The following SLC16A7 variants were observed in gnomAD, a reference collection of about 807,000 sequenced individuals.
The protein encoded by SLC16A7 is monocarboxylate transporter 2.
In SLC16A7, 33 loss-of-function variants were observed where a neutral mutation model predicts 34.9. That is an observed-to-expected ratio of 0.94 (90% CI 0.72 to 1.26). SLC16A7 has a LOEUF of 1.26. SLC16A7 is among the 50% of genes most tolerant of loss of function. The pLI, the probability that SLC16A7 is intolerant of heterozygous loss-of-function variation, is 0.00. For missense variants in SLC16A7, 573 were observed against 578.1 expected (o/e 0.99, Z 0.09); for synonymous variants, 201 against 206.6 (o/e 0.97, Z 0.23).
At position 59,626,055 on chromosome 12, in the gene SLC16A7, C is replaced by T. The variant is rs367892975; in HGVS notation, c.-129-29097C>T. Among the ~76,000 whole-genome samples the T allele has an allele frequency of 9.0e-4, 136 of 151,652 alleles. 6 individuals are homozygous for T. Among genetic ancestry groups the T allele is most frequent in the South Asian group, 7.3e-3 (35 of 4,808 alleles). ...TATTGCAAATTCATTGTCTATGAAA[C>T]GCCATATTATGTGGGCAGAGCATAA... is the stretch of plus-strand genomic sequence containing the variant. On this transcript the variant is annotated intron_variant, in intron 1 of 5. Transcript: ENST00000547379.
intron 2 of SLC16A7, among the ~76,000 whole-genome samples, chr12:59,684,615 C>T (rs1156336933): frequency 2.0e-5 from 3 of 152,064 alleles, no homozygotes; most frequent in African/African-American, 7.2e-5. Flanking sequence ...GCTACTTTTC[C>T]ACGCTGCAGC....
chr12:59,679,308 T>G (rs1267552367), intron 2 of SLC16A7, among the ~76,000 whole-genome samples: 1 of 152,150 alleles, frequency 6.6e-6, no homozygotes, highest in Non-Finnish European at 1.5e-5. Flanking sequence ...TTCCGCCTAT[T>G]CCCGGCTATT....
chr12:59,774,682 A>G lies in SLC16A7; in HGVS notation c.387A>G (p.Gln129=). 1.3e-6 allele frequency: 2 copies of G among 1,594,724 alleles called. No individual in the cohort carries two copies. The highest frequency in any genetic ancestry group is 8.5e-7 in the Non-Finnish European group (1 of 1,172,656). The change falls in exon 5 of 6, where the codon CAA becomes CAG. Residue 129 remains glutamine, a synonymous_variant. Transcript: ENST00000547379. ...ITGLGLAFNL[Q]PALTIIGKYF... ...GTTTAGGTTTAGCCTTCAACCTGCAACCCGCCTTAACCATAATTGGCAAAT... is the reference window on the plus strand; with the variant it reads ...GTTTAGGTTTAGCCTTCAACCTGCAGCCCGCCTTAACCATAATTGGCAAAT...
intron 1 of SLC16A7, among the ~76,000 whole-genome samples, chr12:59,602,379 A>C (rs541061957): frequency 2.1e-5 from 3 of 145,088 alleles, no homozygotes; most frequent in African/African-American, 7.7e-5. Flanking sequence ...TGTGCTCTTT[A>C]TTTTGTTACT....
At chr12:59,598,674 A>G (rs929080891) in intron 1 of SLC16A7, among the ~76,000 whole-genome samples, 2 of 152,328 alleles carry the variant, frequency 1.3e-5, no homozygotes, top group Admixed American at 1.3e-4. Flanking sequence ...AAAAACAGGT[A>G]ATGAAGGATT....
At chr12:59,630,315 G>C (rs1880124295) in intron 1 of SLC16A7, among the ~76,000 whole-genome samples, 1 of 151,784 alleles carries the variant, frequency 6.6e-6, no homozygotes, top group Non-Finnish European at 1.5e-5. Context: ...TCTTTCATGG[G>C]ACAAAATGTA....
In SLC16A7 at chr12:59,613,687, T is replaced by C. The variant is rs529201499; in HGVS notation, c.-130+17451T>C. ...ACATACTACCCACTCAATGGTATTT[T>C]ATAGGAGAGAGATGATGAAGAAAAA... On this transcript the variant is annotated intron_variant, in intron 1 of 5. Transcript: ENST00000547379. Among the ~76,000 whole-genome samples, 22 of 152,288 alleles carry C rather than the reference T, an allele frequency of 1.4e-4. No individual in the cohort carries two copies. The South Asian group carries it at 4.4e-3, about 30-fold the overall frequency.
intron 2 of SLC16A7, among the ~76,000 whole-genome samples, chr12:59,683,742 A>G (rs1395336832): frequency 1.3e-5 from 2 of 152,334 alleles, no homozygotes; most frequent in Admixed American, 1.3e-4. Flanking sequence ...CTATAGAGAT[A>G]GATAATATAA....
chr12:59,776,788 C>T (rs1882804352), intron 5 of SLC16A7, among the ~76,000 whole-genome samples: 1 of 151,938 alleles, frequency 6.6e-6, no homozygotes, highest in Non-Finnish European at 1.5e-5. Context: ...TGGTATCTAG[C>T]ACAGGTGTTT....
intron 1 of SLC16A7, among the ~76,000 whole-genome samples, chr12:59,614,195 T>C (rs1475333329): frequency 6.6e-6 from 1 of 151,904 alleles, no homozygotes; most frequent in Non-Finnish European, 1.5e-5. Context: ...TGGCTACATG[T>C]GCTATTAATT....
At chr12:59,757,566 A>G (rs1044336891) in intron 3 of SLC16A7, among the ~76,000 whole-genome samples, 6 of 152,162 alleles carry the variant, frequency 3.9e-5, no homozygotes, top group African/African-American at 1.2e-4. Flanking sequence ...TTAGTCCTCT[A>G]TAGAAACATT....
chr12:59,603,275 C>T (rs1265465062), intron 1 of SLC16A7, among the ~76,000 whole-genome samples: 1 of 152,126 alleles, frequency 6.6e-6, no homozygotes. Context: ...TGGAAGCACA[C>T]CTTTGTTAAG....
intron 1 of SLC16A7, among the ~76,000 whole-genome samples, chr12:59,616,968 G>A (rs775549896): frequency 6.6e-6 from 1 of 151,960 alleles, no homozygotes; most frequent in Non-Finnish European, 1.5e-5. Flanking sequence ...ATATGTTATA[G>A]CGTAAATGCA....
intron 1 of SLC16A7, among the ~76,000 whole-genome samples, chr12:59,642,209 G>A (rs1030657290): frequency 2.0e-5 from 3 of 151,748 alleles, no homozygotes; most frequent in Admixed American, 6.6e-5. Context: ...CTTTGTTTCC[G>A]TGCTTCATTT....
chr12:59,767,999 G>T (rs1296689886), intron 3 of SLC16A7: 1 of 343,414 alleles, frequency 2.9e-6, no homozygotes, highest in African/African-American at 2.2e-5. Context: ...TGTAAATGAG[G>T]AGTTAATGGA....
At chr12:59,748,737 C>T (rs770385756) in intron 3 of SLC16A7, among the ~76,000 whole-genome samples, 2 of 152,182 alleles carry the variant, frequency 1.3e-5, no homozygotes, top group African/African-American at 2.4e-5. Context: ...GAAAACCTTA[C>T]ACTTTTTGCA....
At position 59,775,488 on chromosome 12, in the gene SLC16A7, TTCA is replaced by T. The variant is rs1255851874; in HGVS notation, c.1180+17_1180+19del. On this transcript the variant is annotated intron_variant, in intron 5 of 5. Coordinates refer to ENST00000547379, the MANE Select transcript of SLC16A7 (RefSeq NM_001270623.2). ...CCTCCTCTTGCAGGTAAGAACGTTT[TTCA>T]TCAAGGAAAATGTAAAGCATAAAAT... 1 of 1,588,980 alleles carries T rather than the reference TTCA, an allele frequency of 6.3e-7. No homozygotes were observed. Among genetic ancestry groups the T allele is most frequent in the Middle Eastern group, 1.7e-4 (1 of 5,960 alleles).
In SLC16A7 at chr12:59,717,924, AATGCC is replaced by A. The variant is rs552082197; in HGVS notation, c.217+12907_217+12911del. Reference sequence around the variant, plus strand: ...GTGAAGAAACAAAATTGGACACAGAAATGCCTTTTGAAAGATATATTTTCTGCAGA... The same window carrying A: ...GTGAAGAAACAAAATTGGACACAGAATTTTGAAAGATATATTTTCTGCAGA... On this transcript the variant is annotated intron_variant, in intron 3 of 5. Transcript: ENST00000547379. Among the ~76,000 whole-genome samples the A allele has an allele frequency of 1.4e-3, 211 of 152,296 alleles. 1 individual carries two copies. The highest frequency in any genetic ancestry group is 6.8e-3 in the Middle Eastern group (2 of 294).
chr12:59,661,088 G>T (rs904983107), intron 2 of SLC16A7, among the ~76,000 whole-genome samples: 3 of 152,086 alleles, frequency 2.0e-5, no homozygotes, highest in South Asian at 2.1e-4. Flanking sequence ...GAGGAGAAGT[G>T]GTTGTGTGGT....
Sources: allele counts gnomAD v4.1 joint callset (sites outside exome capture counted in the v4.1 genomes callset), GRCh38; gene constraint gnomAD v4.1.1; transcripts MANE v1.5; gene names NCBI Gene and HGNC (gene_info 2026-07-23, HGNC 2026-07-21).